The following SELENOM variants were observed in gnomAD, a reference collection of about 807,000 sequenced individuals.
SELENOM encodes the protein selenoprotein SelM.
Under a neutral mutation model 14.5 loss-of-function variants are expected in SELENOM, and 17 were observed. The observed-to-expected ratio is 1.17, with a 90% CI of 0.80 to 1.76. The LOEUF (loss-of-function observed/expected upper bound fraction) is 1.76, where lower values mean the gene tolerates loss of function less well. Among genes scored for constraint, SELENOM ranks in the 40% most tolerant of loss-of-function variants. The pLI is 0.00. For synonymous variants in SELENOM, 102 were observed against 93.3 expected, an observed-to-expected ratio of 1.09 and a Z score of -0.54; for missense variants, 230 against 204.6, an observed-to-expected ratio of 1.12 and a Z score of -0.76.
intron 2 of SELENOM, 73 bp from the exon 3 acceptor site, chr22:31,105,765 G>A (rs1258476894): frequency 4.5e-6 from 7 of 1,565,846 alleles, no homozygotes; most frequent in African/African-American, 1.4e-5. Flanking sequence ...CTGAAGCCCA[G>A]TGAGGTCATA....
chr22:31,105,740 G>C, intron 2 of SELENOM, 48 bp from the exon 3 acceptor site: 1 of 1,605,952 alleles, frequency 6.2e-7, no homozygotes, highest in Non-Finnish European at 8.5e-7. Context: ...GTCTACTCGA[G>C]GTACAGACGA....
rs373652594 is a variant in SELENOM at position 31,107,272 on chromosome 22, G to A, written c.129+105C>T. 1.2e-5 allele frequency: 16 copies of A among 1,358,502 alleles called. No homozygotes were observed. In the East Asian group the frequency reaches 4.2e-4, roughly 35 times the overall value. 84.2% of individuals were successfully genotyped at this position (1,358,502 alleles called of 1,614,324 possible). ...GTCCCGGCGCCAGGGGGAAAGCAGGGAGACTCGCGGTTCGAGGTGGTCTTG... is the reference window on the plus strand; with the variant it reads ...GTCCCGGCGCCAGGGGGAAAGCAGGAAGACTCGCGGTTCGAGGTGGTCTTG... On this transcript the variant is annotated intron_variant, in intron 1 of 4. Transcript: ENST00000400299.
chr22:31,104,864 G>A lies in SELENOM; in HGVS notation c.*106C>T. The A allele has an allele frequency of 7.8e-7, 1 of 1,285,212 alleles. No individual in the cohort carries two copies. Among genetic ancestry groups the A allele is most frequent in the Non-Finnish European group, 1.0e-6 (1 of 956,682 alleles). The allele number at this position is 1,285,212 out of a possible 1,614,324, so 79.6% of individuals were successfully genotyped here. ...CCAACCCCATCCCTGCTGGCCCGGG[G>A]ACGGGCATCGGCTCTCAGCAAGAGA... On this transcript the variant is annotated 3_prime_UTR_variant, in exon 5 of 5. Transcript: ENST00000400299.
chr22:31,105,837 C>T, intron 2 of SELENOM, 93 bp downstream of exon 2: 3 of 1,490,886 alleles, frequency 2.0e-6, no homozygotes, highest in Non-Finnish European at 2.8e-6. Flanking sequence ...AGGGATCCTT[C>T]CCCCCTCCCC....
intron 1 of SELENOM, chr22:31,106,858 G>C (rs2044410748): frequency 6.5e-6 from 1 of 152,862 alleles, no homozygotes; most frequent in Admixed American, 6.5e-5. Flanking sequence ...GGCTGCTGCA[G>C]AGTAAATGTT....
chr22:31,105,323 G>T, intron 3 of SELENOM, 37 bp from the exon 4 acceptor site: 1 of 1,571,494 alleles, frequency 6.4e-7, no homozygotes, highest in South Asian at 1.1e-5. Flanking sequence ...GGTGGGCAGA[G>T]GGAGGTGGTG....
At position 31,107,470 on chromosome 22, in the gene SELENOM, C is replaced by T; in HGVS notation, c.36G>A (p.Leu12=). 1 of 1,559,766 alleles carries T rather than the reference C, an allele frequency of 6.4e-7. No homozygotes were observed. Among genetic ancestry groups the T allele is most frequent in the Non-Finnish European group, 8.7e-7 (1 of 1,154,710 alleles). The part of the protein sequence containing the change: ...SLLLPPLALL[L]LLAALVAPAT... ...CTGGGGCCACAAGCGCCGCGAGAAG[C>T]AGCAGCAGCGCCAGCGGAGGCAACA... Residue 12 remains leucine (L), a synonymous_variant, in exon 1 of 5, where the codon CTG becomes CTA. Transcript: ENST00000400299.
At chr22:31,106,015 A>T in intron 1 of SELENOM, 50 bp from the exon 2 acceptor site, 1 of 1,544,758 alleles carries the variant, frequency 6.5e-7, no homozygotes, top group Non-Finnish European at 9.0e-7. Context: ...CGTTTATTCC[A>T]GTCACATCCC....
chr22:31,105,983 G>T lies in SELENOM; in HGVS notation c.130-18C>A, dbSNP rs769624443. 6.2e-7 allele frequency: 1 copy of T among 1,612,910 alleles called. No homozygotes were observed. The highest frequency in any genetic ancestry group is 1.7e-5 in the Admixed American group (1 of 60,024). On this transcript the variant is annotated intron_variant, in intron 1 of 4. Transcript: ENST00000400299. Reference sequence around the variant, plus strand: ...CCGCAGGTCTGGAGGGGGATAAAATGGGATAGGTCAGGAGTCCTTCACGTT... The same window carrying T: ...CCGCAGGTCTGGAGGGGGATAAAATTGGATAGGTCAGGAGTCCTTCACGTT...
chr22:31,106,054 G>A (rs2044401721), intron 1 of SELENOM, 89 bp from the exon 2 acceptor site: 2 of 1,263,326 alleles, frequency 1.6e-6, no homozygotes, highest in South Asian at 1.2e-5. Flanking sequence ...TCCCTGAGTT[G>A]GGTCGGGCTG....
chr22:31,105,224 C>A lies in SELENOM; in HGVS notation c.263G>T (p.Arg88Leu), dbSNP rs1262942038. 1.9e-6 allele frequency: 3 copies of A among 1,613,106 alleles called. No homozygotes were observed. The highest frequency in any genetic ancestry group is 1.1e-5 in the South Asian group (1 of 91,026). ...CGGCCTCACCTCTAGTTCCTCGTAGCGGCGGCCCAGCAGCACGAGCTCAGG... is the reference window on the plus strand; with the variant it reads ...CGGCCTCACCTCTAGTTCCTCGTAGAGGCGGCCCAGCAGCACGAGCTCAGG... ...ADPELVLLGR[R>L]YEELERIPLS... The change falls in exon 4 of 5, where the codon CGC (arginine) becomes CTC (leucine). Residue 88 changes from arginine (R) to leucine (L), a missense_variant. Transcript: ENST00000400299.
In SELENOM at chr22:31,105,913, TCTTC is replaced by T. The variant is rs544103699; in HGVS notation, c.165+13_165+16del. The T allele has an allele frequency of 1.6e-4, 258 of 1,613,442 alleles. No homozygotes were observed. The African/African-American group carries it at 2.7e-3, about 17-fold the overall frequency. ...CTCAGGGGGAACAGAGCTAGGGACCTCTTCCTTCAAACTCACCTCCTTTAGGCGG... is the reference window on the plus strand; with the variant it reads ...CTCAGGGGGAACAGAGCTAGGGACCTCTTCAAACTCACCTCCTTTAGGCGG... On this transcript the variant is annotated intron_variant, in intron 2 of 4. Transcript: ENST00000400299.
Position 31,105,002 on chromosome 22 carries a change from G to A in SELENOM, c.406C>T (p.Pro136Ser). ...TCAGCGTGGTCCGAAGTTTCCTCTG[G>A]GGGCTTCGCGGGCGCCCACACGTAC... ...PEYVWAPAKPPEETSDHADL is the reference protein window; with the variant it reads ...PEYVWAPAKPSEETSDHADL The change falls in exon 5 of 5, where the codon CCA becomes TCA. Residue 136 changes from proline (P) to serine (S), a missense_variant. Pro to Ser is a moderately conservative substitution (Grantham distance 74). Coordinates refer to ENST00000400299, the MANE Select transcript of SELENOM (RefSeq NM_080430.4). The A allele has an allele frequency of 6.2e-7, 1 of 1,602,038 alleles. No homozygotes were observed. Among genetic ancestry groups the A allele is most frequent in the Non-Finnish European group, 8.5e-7 (1 of 1,176,306 alleles).
chr22:31,105,339 C>T, intron 3 of SELENOM, 53 bp from the exon 4 acceptor site: 2 of 1,514,170 alleles, frequency 1.3e-6, no homozygotes, highest in African/African-American at 1.4e-5. Flanking sequence ...TGGTGGTTTC[C>T]GCAGCCTTAC....
chr22:31,105,123 G>A lies in SELENOM; in HGVS notation c.285C>T (p.Ile95=), dbSNP rs960702691. The A allele has an allele frequency of 2.5e-6, 4 of 1,613,436 alleles. No individual in the cohort carries two copies. The highest frequency in any genetic ancestry group is 2.5e-6 in the Non-Finnish European group (3 of 1,179,824). ...CTTCGCGGGTCATTTCACTGAGTGG[G>A]ATGCGCTGAGGCGGAGGAGGGGCGG... ...LGRRYEELER[I]PLSEMTREEI... Residue 95 remains isoleucine, a synonymous_variant, in exon 5 of 5, where the codon ATC becomes ATT. Coordinates refer to ENST00000400299, the MANE Select transcript of SELENOM (RefSeq NM_080430.4).
Position 31,104,900 on chromosome 22 carries a change from G to A in SELENOM, c.*70C>T. 2 of 1,441,820 alleles carry A rather than the reference G, an allele frequency of 1.4e-6. No homozygotes were observed. The highest frequency in any genetic ancestry group is 9.2e-7 in the Non-Finnish European group (1 of 1,085,802). 89.3% of individuals were successfully genotyped at this position (1,441,820 alleles called of 1,614,324 possible). On this transcript the variant is annotated 3_prime_UTR_variant, in exon 5 of 5. Coordinates refer to ENST00000400299, the MANE Select transcript of SELENOM (RefSeq NM_080430.4). ...GCTCTCAGCAAGAGAAGTATTCCCG[G>A]GATGCTGAGCGCTTCATTCTGTCTC...
chr22:31,106,076 C>T (rs11705035), intron 1 of SELENOM, 111 bp from the exon 2 acceptor site: 35,980 of 958,626 alleles, frequency 0.038, 855 homozygotes, highest in Middle Eastern at 0.094. Flanking sequence ...GAGTTATCCC[C>T]GGATCAGCAG....
In SELENOM at chr22:31,105,655, T is replaced by C. The variant is rs1052252537; in HGVS notation, c.200+3A>G. ...TTTCCCCTCCCCCAGAACAGAAGGA[T>C]ACTAGAATGGAATGTCCTGCGTGAC... On this transcript the variant is annotated splice_donor_region_variant and intron_variant, in intron 3 of 4. Coordinates refer to ENST00000400299, the MANE Select transcript of SELENOM (RefSeq NM_080430.4). The C allele has an allele frequency of 1.2e-6, 2 of 1,613,744 alleles. No homozygotes were observed. The highest frequency in any genetic ancestry group is 2.7e-5 in the African/African-American group (2 of 74,844).
chr22:31,107,468 A>G lies in SELENOM; in HGVS notation c.38T>C (p.Leu13Pro). ...LLLPPLALLLLLAALVAPATA... is the reference protein window; with the variant it reads ...LLLPPLALLLPLAALVAPATA... ...GGCTGGGGCCACAAGCGCCGCGAGA[A>G]GCAGCAGCAGCGCCAGCGGAGGCAA... Residue 13 changes from leucine to proline, a missense_variant, in exon 1 of 5, where the codon CTT (leucine) becomes CCT (proline). By Grantham distance (98) the Leu-to-Pro change is moderately conservative. Coordinates refer to ENST00000400299, the MANE Select transcript of SELENOM (RefSeq NM_080430.4). 2 of 1,559,846 alleles carry G rather than the reference A, an allele frequency of 1.3e-6. No individual in the cohort carries two copies. The highest frequency in any genetic ancestry group is 1.7e-6 in the Non-Finnish European group (2 of 1,154,648).
Sources: gnomAD v4.1 joint callset for allele counts on GRCh38, gnomAD v4.1.1 for gene constraint, MANE v1.5 for transcripts, NCBI Gene and HGNC (gene_info 2026-07-23, HGNC 2026-07-21) for gene names.